RALGPS2: variants seen among roughly 807,000 people sequenced by gnomAD.
RALGPS2 encodes the protein Ral GEF with PH domain and SH3 binding motif 2.
A neutral mutation model predicts 86.8 loss-of-function variants in RALGPS2; 43 were observed. The ratio of observed to expected loss-of-function variants is 0.50; its 90% CI spans 0.39 to 0.64. The LOEUF (loss-of-function observed/expected upper bound fraction) is 0.64. Among genes scored for constraint, RALGPS2 ranks in the 30% least tolerant of loss-of-function variants. The pLI, the probability that RALGPS2 is intolerant of heterozygous loss-of-function variation, is 0.00. For synonymous variants in RALGPS2, 243 were observed against 231.3 expected (o/e 1.05, Z -0.46); for missense variants, 536 against 694.6 (o/e 0.77, Z 2.57).
intron 19 of RALGPS2, among the ~76,000 whole-genome samples, chr1:178,912,910 T>C (rs1465387522): frequency 1.3e-5 from 2 of 152,200 alleles, no homozygotes; most frequent in African/African-American, 2.4e-5. Flanking sequence ...TCTCTGTTAA[T>C]TTGAAGGAGT....
At chr1:178,869,259 T>G (rs1361220190) in intron 8 of RALGPS2, 1 of 152,086 alleles carries the variant, frequency 6.6e-6, no homozygotes, top group Non-Finnish European at 1.5e-5. Flanking sequence ...AGGATTTGCC[T>G]CCTTTCAGAT....
At chr1:178,856,194 G>GATATAT (rs776840814) in intron 8 of RALGPS2, among the ~76,000 whole-genome samples, 28 of 99,172 alleles carry the variant, frequency 2.8e-4, no homozygotes, top group African/African-American at 8.7e-4. Flanking sequence ...CTTTTCCAGA[G>GATATAT]AGAGAGAGAT....
intron 8 of RALGPS2, among the ~76,000 whole-genome samples, chr1:178,858,169 A>G (rs780233981): frequency 1.7e-4 from 26 of 152,108 alleles, no homozygotes; most frequent in Non-Finnish European, 3.8e-4. Flanking sequence ...TCAGAATTCA[A>G]TATTTATTTG....
chr1:178,861,725 G>A (rs1220779498), intron 8 of RALGPS2, among the ~76,000 whole-genome samples: 1 of 152,064 alleles, frequency 6.6e-6, no homozygotes, highest in Non-Finnish European at 1.5e-5. Context: ...ACAAACTACT[G>A]ATAAATTATA....
intron 8 of RALGPS2, among the ~76,000 whole-genome samples, chr1:178,867,928 T>G (rs1471012908): frequency 6.6e-6 from 1 of 152,004 alleles, no homozygotes; most frequent in African/African-American, 2.4e-5. Context: ...ATTTTTCAAT[T>G]GAATAGTGTC....
rs1242521815 is a variant in RALGPS2 at position 178,859,823 on chromosome 1, C to G, written c.608-17675C>G. Among the ~76,000 whole-genome samples, 3 of 62,226 alleles carry G rather than the reference C, an allele frequency of 4.8e-5. 1 individual carries two copies. Among genetic ancestry groups the G allele is most frequent in the East Asian group, 4.9e-4 (1 of 2,022 alleles). The allele number at this position is 62,226 out of a possible 152,430, so 40.8% of individuals were successfully genotyped here. ...TGCCATTCTCCTGCCTCTGCCCGCC[C>G]CCCCCCCCCCAACCGCCCAAGTAGC... On this transcript the variant is annotated intron_variant, in intron 8 of 19. Transcript: ENST00000367635.
Position 178,877,762 on chromosome 1 carries a change from G to T in RALGPS2, c.745+127G>T, listed in dbSNP as rs1659063089. The stretch of plus-strand genomic sequence containing the variant: ...TTTCTTATTTCCATTCTAATGTAAA[G>T]GAAAATAATGCTTGTTTTATTTTGC... On this transcript the variant is annotated intron_variant, in intron 9 of 19. Coordinates refer to ENST00000367635, the MANE Select transcript of RALGPS2 (RefSeq NM_152663.5). 7.7e-6 allele frequency: 9 copies of T among 1,175,602 alleles called. No homozygotes were observed. In the South Asian group the frequency reaches 1.2e-4, roughly 16 times the overall value. 72.8% of individuals were successfully genotyped at this position (1,175,602 alleles called of 1,614,324 possible). A position where few individuals can be genotyped will look rare whatever the true frequency, so the allele number is the denominator to read the frequency against.
chr1:178,762,589 C>T (rs1652299558), intron 1 of RALGPS2, among the ~76,000 whole-genome samples: 1 of 152,176 alleles, frequency 6.6e-6, no homozygotes, highest in Non-Finnish European at 1.5e-5. Flanking sequence ...TTTTGATTTG[C>T]ACTTCTCTAA....
chr1:178,738,001 A>C (rs951609783), intron 1 of RALGPS2, among the ~76,000 whole-genome samples: 2 of 151,552 alleles, frequency 1.3e-5, no homozygotes, highest in Non-Finnish European at 2.9e-5. Context: ...GCTTGTTTCA[A>C]ACTCCTGGGC....
chr1:178,766,420 G>A (rs966365800), intron 1 of RALGPS2, among the ~76,000 whole-genome samples: 1 of 151,748 alleles, frequency 6.6e-6, no homozygotes, highest in Non-Finnish European at 1.5e-5. Context: ...GTAGAGATGG[G>A]GTTTTGCTGT....
chr1:178,792,795 A>G (rs1654018006), intron 4 of RALGPS2, among the ~76,000 whole-genome samples: 1 of 152,164 alleles, frequency 6.6e-6, no homozygotes, highest in Non-Finnish European at 1.5e-5. Context: ...AGTGGTGGGG[A>G]GAAAATACAA....
At chr1:178,824,632 C>A (rs1327847801) in intron 7 of RALGPS2, among the ~76,000 whole-genome samples, 4 of 151,946 alleles carry the variant, frequency 2.6e-5, no homozygotes, top group Non-Finnish European at 5.9e-5. Context: ...AACGGTGAAA[C>A]CCCGTCTCTA....
chr1:178,881,050 G>C (rs1383671412), intron 10 of RALGPS2, among the ~76,000 whole-genome samples: 1 of 152,142 alleles, frequency 6.6e-6, no homozygotes, highest in Non-Finnish European at 1.5e-5. Flanking sequence ...TTATAGGCCA[G>C]TTACTGTGCT....
At chr1:178,732,011 G>T (rs1650393411) in intron 1 of RALGPS2, among the ~76,000 whole-genome samples, 1 of 152,152 alleles carries the variant, frequency 6.6e-6, no homozygotes, top group Non-Finnish European at 1.5e-5. Context: ...AGTTACTATA[G>T]AAATAGGAGA....
chr1:178,863,984 A>G (rs1658213101), intron 8 of RALGPS2, among the ~76,000 whole-genome samples: 1 of 152,184 alleles, frequency 6.6e-6, no homozygotes, highest in African/African-American at 2.4e-5. Context: ...ATGAGCTGCA[A>G]TTTATTTACT....
chr1:178,728,498 A>G (rs1650156956), intron 1 of RALGPS2, among the ~76,000 whole-genome samples: 1 of 148,794 alleles, frequency 6.7e-6, no homozygotes, highest in South Asian at 2.1e-4. Flanking sequence ...ATTGAAGTGT[A>G]TCCATTTTTT....
intron 6 of RALGPS2, among the ~76,000 whole-genome samples, chr1:178,813,947 T>TA (rs1344187371): frequency 6.6e-6 from 1 of 152,170 alleles, no homozygotes; most frequent in East Asian, 1.9e-4. Context: ...ACATCAAACT[T>TA]ACCATCACAT....
At chr1:178,753,348 T>C (rs1651779797) in intron 1 of RALGPS2, among the ~76,000 whole-genome samples, 1 of 152,182 alleles carries the variant, frequency 6.6e-6, no homozygotes, top group Non-Finnish European at 1.5e-5. Flanking sequence ...GGGTGGGACA[T>C]GGGCCCTGAG....
intron 10 of RALGPS2, among the ~76,000 whole-genome samples, chr1:178,880,402 G>A (rs1416359995): frequency 6.6e-6 from 1 of 152,012 alleles, no homozygotes; most frequent in African/African-American, 2.4e-5. Flanking sequence ...CACCATAATA[G>A]CAACACTGTA....
Sources: allele counts gnomAD v4.1 joint callset (sites outside exome capture counted in the v4.1 genomes callset), GRCh38; gene constraint gnomAD v4.1.1; transcripts MANE v1.5; gene names NCBI Gene and HGNC (gene_info 2026-07-23, HGNC 2026-07-21).